Variants in G3BP2 observed in about 807,000 individuals in gnomAD.
G3BP2 encodes the protein ras GTPase-activating protein-binding protein 2.
In G3BP2, 11 loss-of-function variants were observed where a neutral mutation model predicts 56.7. The ratio of observed to expected loss-of-function variants is 0.19; its 90% CI spans 0.12 to 0.32. The LOEUF (loss-of-function observed/expected upper bound fraction) is 0.32, where lower values mean the gene tolerates loss of function less well. Among genes scored for constraint, G3BP2 ranks in the 10% least tolerant of loss-of-function variants. G3BP2 has a pLI of 1.00. For missense variants in G3BP2, 340 were observed against 610.9 expected (o/e 0.56, Z 4.67); for synonymous variants, 165 against 191.6 (o/e 0.86, Z 1.15).
intron 1 of G3BP2, among the ~76,000 whole-genome samples, chr4:75,663,591 G>A (rs7681928): frequency 0.38 from 58,294 of 151,794 alleles, 11,970 homozygotes; most frequent in African/African-American, 0.5. Flanking sequence ...GGCCAGGTAC[G>A]GTGGCTCACA....
intron 8 of G3BP2, chr4:75,648,954 G>A: frequency 2.6e-6 from 1 of 388,916 alleles, no homozygotes; most frequent in South Asian, 6.6e-5. Flanking sequence ...CCCACTTAAT[G>A]CTGTGTAACT....
chr4:75,673,304 T>A lies in G3BP2; in HGVS notation c.-121A>T. On this transcript the variant is annotated 5_prime_UTR_variant, in exon 1 of 12. Coordinates refer to ENST00000359707, the MANE Select transcript of G3BP2 (RefSeq NM_203505.3). Reference sequence around the variant, plus strand: ...TTCTTATTGCTCGCCGCCCCCTTCCTCCGACAACTCGGAAGCCTCGGAAGC... The same window carrying A: ...TTCTTATTGCTCGCCGCCCCCTTCCACCGACAACTCGGAAGCCTCGGAAGC... 2 of 1,225,366 alleles carry A rather than the reference T, an allele frequency of 1.6e-6. No individual in the cohort carries two copies. Among genetic ancestry groups the A allele is most frequent in the Non-Finnish European group, 2.0e-6 (2 of 984,090 alleles). 75.9% of individuals were successfully genotyped at this position (1,225,366 alleles called of 1,614,324 possible). A position where few individuals can be genotyped will look rare whatever the true frequency, so the allele number is the denominator to read the frequency against.
rs779602716 is a variant in G3BP2 at position 75,655,216 on chromosome 4, G to C, written c.576C>G (p.Ser192=). The C allele has an allele frequency of 6.2e-7, 1 of 1,613,314 alleles. No individual in the cohort carries two copies. Among genetic ancestry groups the C allele is most frequent in the Admixed American group, 1.7e-5 (1 of 59,954 alleles). The change falls in exon 7 of 12, where the codon TCC becomes TCG. Residue 192 remains serine (S), a synonymous_variant. Transcript: ENST00000359707. ...CTGGCTCAGGTTCAGGTTCATGAGA[G>C]GATTCTTCCAAAGGCTCCTCTATGC... ...TNGIEEPLEE[S]SHEPEPEPES...
Position 75,655,081 on chromosome 4 carries a change from T to G in G3BP2, c.711A>C (p.Pro237=). ...TPPPAEPVSL[P]QEPPKAFSWA... ...TTGATCTAACCTTTGGTGGTTCTTG[T>G]GGCAGAGAAACAGGTTCTGCCGGAG... is the stretch of plus-strand genomic sequence containing the variant. The change falls in exon 7 of 12, where the codon CCA becomes CCC. Residue 237 remains proline, a synonymous_variant. Transcript: ENST00000359707. 6.2e-7 allele frequency: 1 copy of G among 1,610,854 alleles called. No individual in the cohort carries two copies. Among genetic ancestry groups the G allele is most frequent in the Non-Finnish European group, 8.5e-7 (1 of 1,178,566 alleles).
intron 1 of G3BP2, chr4:75,672,556 G>A (rs987590889): frequency 6.6e-6 from 1 of 152,304 alleles, no homozygotes; most frequent in African/African-American, 2.4e-5. Flanking sequence ...GCAGGGAGAG[G>A]GGGGTTGGTC....
chr4:75,671,886 T>G (rs1267342387), intron 1 of G3BP2, among the ~76,000 whole-genome samples: 1 of 152,222 alleles, frequency 6.6e-6, no homozygotes, highest in Non-Finnish European at 1.5e-5. Context: ...AAAAGTTTAC[T>G]TAGAAACTTG....
At chr4:75,662,224 T>G in intron 1 of G3BP2, 175 bp from the exon 2 acceptor site, 1 of 221,706 alleles carries the variant, frequency 4.5e-6, no homozygotes, top group African/African-American at 3.2e-5. Flanking sequence ...TGAAATAATT[T>G]TTTTTTTTTT....
At chr4:75,680,630 C>A (rs569711569) in intron 3 of G3BP2, among the ~76,000 whole-genome samples, 51 of 152,316 alleles carry the variant, frequency 3.3e-4, no homozygotes, top group Middle Eastern at 6.8e-3. Flanking sequence ...CCATTTCCCA[C>A]TCTCCTCTTG....
Position 75,692,986 on chromosome 4 carries a change from C to G in G3BP2, c.-25+27891G>C, listed in dbSNP as rs111524428. Reference sequence around the variant, plus strand: ...TTTCAGCCAGGCGCGGTGGCTCACTCCTGTAATCCCAGAACTTTGGGAGGC... The same window carrying G: ...TTTCAGCCAGGCGCGGTGGCTCACTGCTGTAATCCCAGAACTTTGGGAGGC... On this transcript the variant is annotated intron_variant, in intron 3 of 3. Transcript: ENST00000499709. Among the ~76,000 whole-genome samples, 1,355 of 152,310 alleles carry G rather than the reference C, an allele frequency of 8.9e-3. 25 individuals are homozygous for G. Among genetic ancestry groups the G allele is most frequent in the African/African-American group, 0.031 (1,305 of 41,570 alleles).
rs1733660916 is a variant in G3BP2 at position 75,673,296 on chromosome 4, C to T, written c.-113G>A. On this transcript the variant is annotated 5_prime_UTR_variant, in exon 1 of 12. Transcript: ENST00000359707. The stretch of plus-strand genomic sequence containing the variant: ...GCGGCGGGTTCTTATTGCTCGCCGC[C>T]CCCTTCCTCCGACAACTCGGAAGCC... The T allele has an allele frequency of 1.6e-6, 2 of 1,228,736 alleles. No homozygotes were observed. The highest frequency in any genetic ancestry group is 3.1e-5 in the African/African-American group (2 of 64,326). The allele number at this position is 1,228,736 out of a possible 1,614,324, so 76.1% of individuals were successfully genotyped here. A position where few individuals can be genotyped will look rare whatever the true frequency, so the allele number is the denominator to read the frequency against.
chr4:75,694,358 T>C (rs1213643564), intron 3 of G3BP2, among the ~76,000 whole-genome samples: 1 of 152,130 alleles, frequency 6.6e-6, no homozygotes, highest in Non-Finnish European at 1.5e-5. Context: ...TCCCAGCACT[T>C]TGGGAGGCCG....
rs141704069 is a variant in G3BP2 at position 75,656,361 on chromosome 4, G to T, written c.443-491C>A. Among the ~76,000 whole-genome samples, 207 of 151,902 alleles carry T rather than the reference G, an allele frequency of 1.4e-3. 1 individual carries two copies. In the East Asian group the frequency reaches 0.035, roughly 26 times the overall value. The stretch of plus-strand genomic sequence containing the variant: ...CCCCTGTTCTCTCAAAAACTGGAGA[G>T]CAAGGATGAAGTTTAATATTTATTG... On this transcript the variant is annotated intron_variant, in intron 5 of 11. Transcript: ENST00000359707.
rs147166679 is a variant in G3BP2 at position 75,690,560 on chromosome 4, G to A, written c.-24-28511C>T. ...GGAATAGCAGGACTGAGGGTTGAAA[G>A]GTATGGAGTTTCTTTCTGAAGTGAC... On this transcript the variant is annotated intron_variant, in intron 3 of 3. Coordinates refer to the G3BP2 transcript ENST00000499709. Among the ~76,000 whole-genome samples, 336 of 152,254 alleles carry A rather than the reference G, an allele frequency of 2.2e-3. 1 individual carries two copies. The highest frequency in any genetic ancestry group is 7.4e-3 in the African/African-American group (307 of 41,554).
At chr4:75,656,584 TA>T (rs936483128) in intron 5 of G3BP2, among the ~76,000 whole-genome samples, 106 of 151,866 alleles carry the variant, frequency 7.0e-4, no homozygotes, top group African/African-American at 2.3e-3. Context: ...ATTATTACAT[TA>T]AAAAAAAGGA....
chr4:75,686,407 A>G (rs1435172618), intron 3 of G3BP2, among the ~76,000 whole-genome samples: 2 of 152,138 alleles, frequency 1.3e-5, no homozygotes, highest in Non-Finnish European at 2.9e-5. Flanking sequence ...GAAATGGGGA[A>G]ATAATGTCAA....
chr4:75,680,991 A>AT (rs1734049511), intron 3 of G3BP2, among the ~76,000 whole-genome samples: 1 of 150,994 alleles, frequency 6.6e-6, no homozygotes. Flanking sequence ...AAATTAAAAA[A>AT]AAAAAAAGAA....
intron 3 of G3BP2, among the ~76,000 whole-genome samples, chr4:75,718,209 T>C (rs1414605426): frequency 6.9e-6 from 1 of 144,182 alleles, no homozygotes; most frequent in Non-Finnish European, 1.5e-5. Flanking sequence ...TGGGATTTCC[T>C]AATTTAGGTG....
rs1009387635 is a variant in G3BP2, at chr4:75,643,473, C to T, written c.*1957G>A. ...TATATCAGAAAGTATAAAACTGTTT[C>T]AAACAGAAAAAAAAAAAATCCTTAA... On this transcript the variant is annotated 3_prime_UTR_variant, in exon 12 of 12. Coordinates refer to ENST00000359707, the MANE Select transcript of G3BP2 (RefSeq NM_203505.3). The T allele has an allele frequency of 9.2e-5, 13 of 141,300 alleles. No homozygotes were observed. Among genetic ancestry groups the T allele is most frequent in the African/African-American group, 3.5e-4 (13 of 37,648 alleles). The allele number at this position is 141,300 out of a possible 1,614,324, so 8.8% of individuals were successfully genotyped here.
intron 8 of G3BP2, among the ~76,000 whole-genome samples, chr4:75,649,867 TG>T (rs1731537811): frequency 6.6e-6 from 1 of 151,834 alleles, no homozygotes; most frequent in Non-Finnish European, 1.5e-5. Context: ...AAAAATTAGC[TG>T]GGTGTGGTGG....
Sources: allele counts gnomAD v4.1 joint callset (sites outside exome capture counted in the v4.1 genomes callset), GRCh38; gene constraint gnomAD v4.1.1; transcripts MANE v1.5; gene names NCBI Gene and HGNC (gene_info 2026-07-23, HGNC 2026-07-21).